Variants in MANBAL observed in about 807,000 individuals in gnomAD.
The protein encoded by MANBAL is protein MANBAL.
MANBAL carries 1 observed loss-of-function variant against 6.4 expected under a neutral mutation model. The ratio of observed to expected loss-of-function variants is 0.16; its 90% CI spans 0.06 to 0.74. The LOEUF (loss-of-function observed/expected upper bound fraction) is 0.74, where lower values mean the gene tolerates loss of function less well. Among genes scored for constraint, MANBAL ranks in the 30% least tolerant of loss-of-function variants. The probability of loss-of-function intolerance (pLI) is 0.78; values close to 1 mark genes in which losing one functional copy is unlikely to be tolerated. For missense variants in MANBAL, 100 were observed against 107.8 expected, an observed-to-expected ratio of 0.93 and a Z score of 0.32; for synonymous variants, 47 against 45.8, an observed-to-expected ratio of 1.03 and a Z score of -0.10.
chr20:37,316,335 G>C lies in MANBAL; in HGVS notation c.178G>C (p.Ala60Pro). Residue 60 changes from alanine (A) to proline (P), a missense_variant, in exon 3 of 3, where the codon GCT (alanine) becomes CCT (proline). By Grantham distance (27) the Ala-to-Pro change is conservative. Coordinates refer to ENST00000373606, the MANE Select transcript of MANBAL (RefSeq NM_001003897.2). The stretch of plus-strand genomic sequence containing the variant: ...GGCTGAACCGTCTGAGCCCAGAAGT[G>C]CTGAGGTGACGAGGAAGCCCAAGGC... The part of the protein sequence containing the change: ...AEAEPSEPRS[A>P]EVTRKPKAAV... The C allele has an allele frequency of 6.2e-7, 1 of 1,613,820 alleles. No homozygotes were observed. The highest frequency in any genetic ancestry group is 8.5e-7 in the Non-Finnish European group (1 of 1,179,864).
intron 1 of MANBAL, among the ~76,000 whole-genome samples, chr20:37,299,440 A>G (rs1390139686): frequency 6.6e-6 from 1 of 152,230 alleles, no homozygotes; most frequent in Non-Finnish European, 1.5e-5. Flanking sequence ...TTTTCATACT[A>G]GGTCTTTGAA....
chr20:37,315,261 C>T (rs916981445), intron 2 of MANBAL, among the ~76,000 whole-genome samples: 5 of 152,210 alleles, frequency 3.3e-5, no homozygotes, highest in South Asian at 2.1e-4. Context: ...TAAACACTGC[C>T]GGCCAGATGA....
intron 2 of MANBAL, among the ~76,000 whole-genome samples, 178 bp downstream of exon 2, chr20:37,301,591 T>G (rs767650983): frequency 9.2e-5 from 14 of 152,268 alleles, no homozygotes; most frequent in Non-Finnish European, 2.1e-4. Flanking sequence ...TATTTGTTCA[T>G]GTACCCATTA....
In MANBAL at chr20:37,316,410, C is replaced by G. The variant is rs755148793; in HGVS notation, c.253C>G (p.Arg85Gly). Reference sequence around the variant, plus strand: ...GCCCAAGAAAGAGACTAAGAAGAAGCGGTAGAAGAGGAGGCCTGAGGAGCT... The same window carrying G: ...GCCCAAGAAAGAGACTAAGAAGAAGGGGTAGAAGAGGAGGCCTGAGGAGCT... Reference protein sequence around the residue: ...KRPKKETKKKR With the variant: ...KRPKKETKKKG Residue 85 changes from arginine (R) to glycine (G), a missense_variant, in exon 3 of 3, where the codon CGG becomes GGG. Coordinates refer to ENST00000373606, the MANE Select transcript of MANBAL (RefSeq NM_001003897.2). 1 of 1,612,496 alleles carries G rather than the reference C, an allele frequency of 6.2e-7. No individual in the cohort carries two copies. Among genetic ancestry groups the G allele is most frequent in the Non-Finnish European group, 8.5e-7 (1 of 1,179,154 alleles).
intron 1 of MANBAL, chr20:37,297,186 G>C (rs983787284): frequency 2.6e-5 from 4 of 152,192 alleles, no homozygotes; most frequent in Non-Finnish European, 5.9e-5. Context: ...TGTTCTTGCA[G>C]CCGCCTTGGA....
At chr20:37,315,419 T>G (rs1020511319) in intron 2 of MANBAL, among the ~76,000 whole-genome samples, 3 of 152,158 alleles carry the variant, frequency 2.0e-5, no homozygotes, top group Non-Finnish European at 2.9e-5. Flanking sequence ...ACACTGAGCC[T>G]ATTCCAGATA....
intron 1 of MANBAL, among the ~76,000 whole-genome samples, chr20:37,299,735 C>T (rs929866130): frequency 3.1e-4 from 47 of 152,252 alleles, no homozygotes; most frequent in Admixed American, 2.8e-3. Context: ...ACAGGAGAGG[C>T]ATGTTGGGGA....
At chr20:37,298,143 G>A (rs1223539776) in intron 1 of MANBAL, among the ~76,000 whole-genome samples, 1 of 152,128 alleles carries the variant, frequency 6.6e-6, no homozygotes, top group African/African-American at 2.4e-5. Context: ...TTATGTTTGT[G>A]CCATTGTACT....
At chr20:37,313,915 G>A (rs932693516) in intron 2 of MANBAL, among the ~76,000 whole-genome samples, 3 of 152,206 alleles carry the variant, frequency 2.0e-5, no homozygotes, top group African/African-American at 7.2e-5. Context: ...CGGAAGCTCT[G>A]GGGCCTGACT....
chr20:37,307,140 T>G lies in MANBAL; in HGVS notation c.150+5727T>G, dbSNP rs370111087. On this transcript the variant is annotated intron_variant, in intron 2 of 2. Coordinates refer to ENST00000373606, the MANE Select transcript of MANBAL (RefSeq NM_001003897.2). ...CCACACCTGGCTAATTTTTAAATAATTTTTTTGTAGAGACACGGTTTCACT... is the reference window on the plus strand; with the variant it reads ...CCACACCTGGCTAATTTTTAAATAAGTTTTTTGTAGAGACACGGTTTCACT... Among the ~76,000 whole-genome samples, 361 of 152,228 alleles carry G rather than the reference T, an allele frequency of 2.4e-3. 3 individuals carry two copies. Among genetic ancestry groups the G allele is most frequent in the African/African-American group, 8.3e-3 (347 of 41,558 alleles).
At chr20:37,293,352 A>G (rs1189182275) in intron 1 of MANBAL, among the ~76,000 whole-genome samples, 1 of 152,128 alleles carries the variant, frequency 6.6e-6, no homozygotes, top group Non-Finnish European at 1.5e-5. Flanking sequence ...CAGGCATTAG[A>G]TTCTCATAAG....
intron 1 of MANBAL, among the ~76,000 whole-genome samples, chr20:37,299,846 C>T (rs1473072053): frequency 6.6e-6 from 1 of 152,166 alleles, no homozygotes; most frequent in East Asian, 1.9e-4. Flanking sequence ...TGGGCAGAGG[C>T]CCAGGATTTT....
At chr20:37,296,794 A>G (rs1568598689) in intron 1 of MANBAL, 1 of 152,158 alleles carries the variant, frequency 6.6e-6, no homozygotes, top group Non-Finnish European at 1.5e-5. Context: ...GCCTAAATGT[A>G]TTATAGGTAT....
chr20:37,303,001 C>G (rs1425539290), intron 2 of MANBAL, among the ~76,000 whole-genome samples: 1 of 152,184 alleles, frequency 6.6e-6, no homozygotes, highest in Admixed American at 6.5e-5. Context: ...CAATCTCTGT[C>G]TCCCAAGTTC....
At chr20:37,294,041 CCT>C (rs1198664390) in intron 1 of MANBAL, among the ~76,000 whole-genome samples, 1 of 152,210 alleles carries the variant, frequency 6.6e-6, no homozygotes, top group East Asian at 1.9e-4. Flanking sequence ...CCTGCCTTGG[CCT>C]CTCACAGTTC....
intron 2 of MANBAL, among the ~76,000 whole-genome samples, chr20:37,311,644 C>T (rs916756344): frequency 3.3e-5 from 5 of 152,238 alleles, no homozygotes; most frequent in South Asian, 4.1e-4. Flanking sequence ...TGCACCACCA[C>T]GCCTGGCTAA....
intron 1 of MANBAL, 49 bp downstream of exon 1, chr20:37,289,735 C>A (rs557017312): frequency 6.6e-6 from 1 of 152,334 alleles, no homozygotes; most frequent in African/African-American, 2.4e-5. Context: ...GAGAGCCGTC[C>A]TCGGTGCGGT....
intron 2 of MANBAL, among the ~76,000 whole-genome samples, chr20:37,307,004 C>G (rs973711940): frequency 2.6e-5 from 4 of 152,126 alleles, no homozygotes; most frequent in Non-Finnish European, 1.5e-5. Flanking sequence ...TGCTCTATTG[C>G]CTAGGCTGGA....
rs548158952 is a variant in MANBAL at position 37,308,742 on chromosome 20, C to T, written c.150+7329C>T. Among the ~76,000 whole-genome samples the T allele has an allele frequency of 5.3e-5, 8 of 152,204 alleles. No homozygotes were observed. The East Asian group carries it at 7.7e-4, about 15-fold the overall frequency. Reference sequence around the variant, plus strand: ...ACCCTCCTCCAAGCCTCTTCCGGATCGATTTCTACACAGAGTGTTGATTCA... The same window carrying T: ...ACCCTCCTCCAAGCCTCTTCCGGATTGATTTCTACACAGAGTGTTGATTCA... On this transcript the variant is annotated intron_variant, in intron 2 of 2. Coordinates refer to ENST00000373606, the MANE Select transcript of MANBAL (RefSeq NM_001003897.2).
Sources: gnomAD v4.1 joint callset for allele counts (sites outside exome capture counted in the v4.1 genomes callset) on GRCh38, gnomAD v4.1.1 for gene constraint, MANE v1.5 for transcripts, NCBI Gene and HGNC (gene_info 2026-07-23, HGNC 2026-07-21) for gene names.